THSD4: variants seen among roughly 807,000 people sequenced by gnomAD.
The protein encoded by THSD4 is thrombospondin type-1 domain-containing protein 4.
In THSD4, 69 loss-of-function variants were observed where a neutral mutation model predicts 119.0. The observed-to-expected ratio is 0.58, with a 90% CI of 0.48 to 0.71. The LOEUF (loss-of-function observed/expected upper bound fraction) is 0.71, where lower values mean the gene tolerates loss of function less well. Ranked by LOEUF, THSD4 falls within the 30% of genes least tolerant of loss-of-function variation. THSD4 has a pLI of 0.00. For missense variants in THSD4, 1,393 were observed against 1,391.1 expected (o/e 1.00, Z -0.02); for synonymous variants, 524 against 540.4 (o/e 0.97, Z 0.42).
intron 1 of THSD4, among the ~76,000 whole-genome samples, chr15:71,101,828 C>T (rs2040254876): frequency 6.6e-6 from 1 of 152,058 alleles, no homozygotes; most frequent in Admixed American, 6.5e-5. Flanking sequence ...ATTCTCGTGC[C>T]TCAGCCTCCT....
chr15:71,281,242 C>G (rs1347466182), intron 6 of THSD4, among the ~76,000 whole-genome samples: 1 of 152,206 alleles, frequency 6.6e-6, no homozygotes, highest in Non-Finnish European at 1.5e-5. Flanking sequence ...CCTTATTGTT[C>G]TGCGCATTCA....
intron 1 of THSD4, among the ~76,000 whole-genome samples, chr15:71,122,589 C>T (rs536876141): frequency 5.3e-4 from 81 of 152,306 alleles, no homozygotes; most frequent in Non-Finnish European, 9.6e-4. Context: ...TCCTTGATAT[C>T]GGCTTATGTT....
intron 7 of THSD4, among the ~76,000 whole-genome samples, chr15:71,503,729 C>G (rs899579586): frequency 6.6e-6 from 1 of 152,152 alleles, no homozygotes; most frequent in African/African-American, 2.4e-5. Flanking sequence ...CTACAGACCT[C>G]CCAACACCTC....
At chr15:71,161,347 G>A (rs1294360466) in intron 3 of THSD4, among the ~76,000 whole-genome samples, 2 of 152,010 alleles carry the variant, frequency 1.3e-5, no homozygotes, top group Non-Finnish European at 2.9e-5. Flanking sequence ...AAAGTGGGGT[G>A]TTGAAGCCCC....
chr15:71,662,637 C>T (rs534577704), intron 8 of THSD4, among the ~76,000 whole-genome samples: 2 of 152,198 alleles, frequency 1.3e-5, no homozygotes, highest in Admixed American at 1.3e-4. Flanking sequence ...AAGCAGTTTT[C>T]AAGCTGTGCC....
At chr15:71,391,810 C>T (rs766856968) in intron 6 of THSD4, among the ~76,000 whole-genome samples, 1 of 152,194 alleles carries the variant, frequency 6.6e-6, no homozygotes, top group African/African-American at 2.4e-5. Context: ...GAGACTCTCA[C>T]AAGAAGGAAG....
intron 1 of THSD4, among the ~76,000 whole-genome samples, chr15:71,101,836 C>A (rs1454985818): frequency 6.6e-6 from 1 of 152,046 alleles, no homozygotes; most frequent in Non-Finnish European, 1.5e-5. Flanking sequence ...GCCTCAGCCT[C>A]CTGAGTAGCT....
At chr15:71,557,738 G>A (rs934865750) in intron 7 of THSD4, among the ~76,000 whole-genome samples, 2 of 152,136 alleles carry the variant, frequency 1.3e-5, no homozygotes, top group Admixed American at 6.5e-5. Context: ...TTTCATCTAC[G>A]TTTTCCAGTT....
chr15:71,695,502 A>ATGTGTGTGTGTG lies in THSD4; in HGVS notation c.1358-33027_1358-33016dup, dbSNP rs3086738. ...ACACATAAAATATTTGTGTGTGTGC[A>ATGTGTGTGTGTG]TGTGTGTGTGTGTGTGTGTGTGTGT... On this transcript the variant is annotated intron_variant, in intron 8 of 17. Coordinates refer to ENST00000261862, the MANE Select transcript of THSD4 (RefSeq NM_024817.3). Among the ~76,000 whole-genome samples, 1,187 of 144,108 alleles carry ATGTGTGTGTGTG rather than the reference A, an allele frequency of 8.2e-3. 15 individuals are homozygous for ATGTGTGTGTGTG. The highest frequency in any genetic ancestry group is 0.022 in the African/African-American group (862 of 38,842). 94.5% of individuals were successfully genotyped at this position (144,108 alleles called of 152,430 possible).
At position 71,141,517 on chromosome 15, in the gene THSD4, C is replaced by T. The variant is rs768977230; in HGVS notation, c.-11C>T. The T allele has an allele frequency of 1.6e-5, 25 of 1,608,042 alleles. No individual in the cohort carries two copies. Among genetic ancestry groups the T allele is most frequent in the Non-Finnish European group, 2.0e-5 (24 of 1,177,462 alleles). On this transcript the variant is annotated 5_prime_UTR_variant, in exon 2 of 18. Transcript: ENST00000261862. Reference sequence around the variant, plus strand: ...TGAAGAGCCCTTGCTTTTGCCTGGACCCCCAGCATCATGGTTTCCCATTTC... The same window carrying T: ...TGAAGAGCCCTTGCTTTTGCCTGGATCCCCAGCATCATGGTTTCCCATTTC...
At chr15:71,361,799 T>C (rs2045894890) in intron 6 of THSD4, among the ~76,000 whole-genome samples, 1 of 152,150 alleles carries the variant, frequency 6.6e-6, no homozygotes. Flanking sequence ...CAAAGGGATA[T>C]GAAATCTTGA....
At chr15:71,681,397 C>G (rs183119400) in intron 8 of THSD4, among the ~76,000 whole-genome samples, 108 of 151,880 alleles carry the variant, frequency 7.1e-4, no homozygotes, top group African/African-American at 2.6e-3. Flanking sequence ...ACGTGGCACA[C>G]TGGGCGTGGT....
chr15:71,494,569 T>C (rs2047980754), intron 7 of THSD4, among the ~76,000 whole-genome samples: 1 of 151,406 alleles, frequency 6.6e-6, no homozygotes. Flanking sequence ...CACCACACGA[T>C]GGACCCCAAG....
At chr15:71,143,830 A>G (rs1370525399) in intron 2 of THSD4, among the ~76,000 whole-genome samples, 1 of 150,184 alleles carries the variant, frequency 6.7e-6, no homozygotes, top group Non-Finnish European at 1.5e-5. Context: ...TCTGCCTCCC[A>G]AGTACGAATA....
At chr15:71,529,634 A>G (rs925340409) in intron 7 of THSD4, among the ~76,000 whole-genome samples, 1 of 152,242 alleles carries the variant, frequency 6.6e-6, no homozygotes, top group Admixed American at 6.5e-5. Context: ...TAGTAAAGAC[A>G]GAAGAAATAA....
chr15:71,123,630 T>C (rs532830732), intron 1 of THSD4, among the ~76,000 whole-genome samples: 2 of 152,254 alleles, frequency 1.3e-5, no homozygotes, highest in African/African-American at 4.8e-5. Context: ...AAAATCACTG[T>C]GATAAACATG....
At position 71,745,658 on chromosome 15, in the gene THSD4, G is replaced by C. The variant is rs1187949411; in HGVS notation, c.2036+423G>C. On this transcript the variant is annotated intron_variant, in intron 12 of 17. Coordinates refer to ENST00000261862, the MANE Select transcript of THSD4 (RefSeq NM_024817.3). Reference sequence around the variant, plus strand: ...TGAACTGTTTCGGTTTTTTGGTTTTGTTTTTGTTTTTATGGCAGAGTCTAG... The same window carrying C: ...TGAACTGTTTCGGTTTTTTGGTTTTCTTTTTGTTTTTATGGCAGAGTCTAG... 4.6e-5 allele frequency among the ~76,000 whole-genome samples: 7 copies of C among 152,262 alleles called. No individual in the cohort carries two copies. In the East Asian group the frequency reaches 1.4e-3, roughly 29 times the overall value.
intron 8 of THSD4, among the ~76,000 whole-genome samples, chr15:71,685,021 A>T (rs1330750642): frequency 6.6e-6 from 1 of 152,046 alleles, no homozygotes; most frequent in Non-Finnish European, 1.5e-5. Flanking sequence ...TTACATATCA[A>T]ATTCACTTTT....
chr15:71,479,664 G>A (rs1162845142), intron 7 of THSD4, among the ~76,000 whole-genome samples: 1 of 152,084 alleles, frequency 6.6e-6, no homozygotes, highest in Non-Finnish European at 1.5e-5. Context: ...AAATTTTGAA[G>A]CATACTTCAG....
Sources: gnomAD v4.1 joint callset for allele counts (sites outside exome capture counted in the v4.1 genomes callset) on GRCh38, gnomAD v4.1.1 for gene constraint, MANE v1.5 for transcripts, NCBI Gene and HGNC (gene_info 2026-07-23, HGNC 2026-07-21) for gene names.